Variants in DOP1A observed in about 807,000 individuals in gnomAD.
DOP1A encodes the protein protein DOP1A.
A neutral mutation model predicts 267.6 loss-of-function variants in DOP1A; 90 were observed. That is an observed-to-expected ratio of 0.34 (90% CI 0.28 to 0.40). The LOEUF is 0.40. Among genes scored for constraint, DOP1A ranks in the 10% least tolerant of loss-of-function variants. The pLI, the probability that DOP1A is intolerant of heterozygous loss-of-function variation, is 1.00. For missense variants in DOP1A, 2,437 were observed against 2,900.4 expected (o/e 0.84, Z 3.67); for synonymous variants, 932 against 999.1 (o/e 0.93, Z 1.27).
chr6:83,099,121 C>A (rs569548536), intron 3 of DOP1A, among the ~76,000 whole-genome samples: 30 of 152,176 alleles, frequency 2.0e-4, no homozygotes, highest in African/African-American at 7.0e-4. Context: ...CCCAAAGTTC[C>A]CCATATTATA....
At chr6:83,082,323 A>C (rs375531978) in intron 1 of DOP1A, among the ~76,000 whole-genome samples, 1 of 152,232 alleles carries the variant, frequency 6.6e-6, no homozygotes, top group South Asian at 2.1e-4. Flanking sequence ...ATGGAATGCT[A>C]TTCACCTATC....
At chr6:83,115,616 C>A (rs894557817) in intron 7 of DOP1A, among the ~76,000 whole-genome samples, 6 of 151,956 alleles carry the variant, frequency 3.9e-5, no homozygotes, top group Non-Finnish European at 8.8e-5. Context: ...CCCAGCTACT[C>A]GGGAGGCTGA....
In DOP1A at chr6:83,124,810, A is replaced by G; in HGVS notation, c.1446A>G (p.Ile482Met). ...FCLLVDFLLD[I>M]VSLPTRSMRV... ...TACTGGTGGATTTTTTGTTGGACAT[A>G]GTTTCTTTGGTAAGACCACCTTGGT... The change falls in exon 13 of 39, where the codon ATA (isoleucine) becomes ATG (methionine). Residue 482 changes from isoleucine to methionine, a missense_variant. Ile to Met is a conservative substitution (Grantham distance 10). Transcript: ENST00000349129. 1.2e-6 allele frequency: 2 copies of G among 1,612,122 alleles called. No individual in the cohort carries two copies. Among genetic ancestry groups the G allele is most frequent in the Non-Finnish European group, 1.7e-6 (2 of 1,179,022 alleles).
Position 83,145,638 on chromosome 6 carries a change from C to T in DOP1A, c.5656C>T (p.Pro1886Ser), listed in dbSNP as rs758508605. Reference sequence around the variant, plus strand: ...TGTAAAAGAAGTTTTAAAGCAGCCACCAGCCATAGCCAAGGACAAGGTAAG... The same window carrying T: ...TGTAAAAGAAGTTTTAAAGCAGCCATCAGCCATAGCCAAGGACAAGGTAAG... The part of the protein sequence containing the change: ...QTVKEVLKQP[P>S]AIAKDKKHLS... The change falls in exon 25 of 39, where the codon CCA becomes TCA. Residue 1886 changes from proline to serine, a missense_variant. Physicochemically the swap from Pro to Ser is moderately conservative, Grantham distance 74. This residue lies in a region of DOP1A where 307 missense variants were observed against 308.6 expected (regional missense o/e 0.99). Coordinates refer to ENST00000349129, the MANE Select transcript of DOP1A (RefSeq NM_015018.4). The T allele has an allele frequency of 2.5e-6, 4 of 1,613,416 alleles. No individual in the cohort carries two copies. Among genetic ancestry groups the T allele is most frequent in the Non-Finnish European group, 2.5e-6 (3 of 1,179,646 alleles).
rs144324424 is a variant in DOP1A, at chr6:83,125,382, C to T, written c.1486-118C>T. 232 of 1,032,968 alleles carry T rather than the reference C, an allele frequency of 2.2e-4. 1 individual carries two copies. In the East Asian group the frequency reaches 5.6e-3, roughly 25 times the overall value. 64.0% of individuals were successfully genotyped at this position (1,032,968 alleles called of 1,614,324 possible). On this transcript the variant is annotated intron_variant, in intron 14 of 38. Transcript: ENST00000349129. ...TAAAATATACAGTGTTAATTAAGAG[C>T]ATGATGCATATAAAACATTATGGAT... is the stretch of plus-strand genomic sequence containing the variant.
intron 1 of DOP1A, among the ~76,000 whole-genome samples, chr6:83,088,521 C>T (rs1769739799): frequency 6.8e-6 from 1 of 147,014 alleles, no homozygotes. Flanking sequence ...CTCTGAGGTT[C>T]AAGCGATTCT....
At position 83,162,534 on chromosome 6, in the gene DOP1A, G is replaced by A. The variant is rs561389318; in HGVS notation, c.6963-256G>A. ...TACTTGCTTTGGACTCATGAAAAAAGTAATGATGAGTACTTTACAAGTTTT... is the reference window on the plus strand; with the variant it reads ...TACTTGCTTTGGACTCATGAAAAAAATAATGATGAGTACTTTACAAGTTTT... On this transcript the variant is annotated intron_variant, in intron 37 of 38. Transcript: ENST00000349129. 1.3e-3 allele frequency among the ~76,000 whole-genome samples: 202 copies of A among 152,224 alleles called. 2 individuals carry two copies. The highest frequency in any genetic ancestry group is 4.7e-3 in the African/African-American group (197 of 41,550).
intron 9 of DOP1A, 38 bp downstream of exon 9, chr6:83,119,895 A>C (rs990029246): frequency 1.3e-6 from 2 of 1,527,550 alleles, no homozygotes; most frequent in African/African-American, 2.7e-5. Context: ...TTACTTACTG[A>C]CCACTAGAGG....
At chr6:83,128,308 ATTTG>A (rs1276004621) in intron 15 of DOP1A, among the ~76,000 whole-genome samples, 7 of 152,156 alleles carry the variant, frequency 4.6e-5, no homozygotes, top group African/African-American at 1.4e-4. Context: ...GGAATGGTTC[ATTTG>A]TTTGTTTACT....
At chr6:83,092,556 T>TCCCCC (rs66482434) in intron 1 of DOP1A, among the ~76,000 whole-genome samples, 11 of 67,848 alleles carry the variant, frequency 1.6e-4, no homozygotes, top group Non-Finnish European at 2.0e-4. Context: ...GTAGTGTCCC[T>TCCCCC]CCCCCCCCCC....
chr6:83,084,157 A>G (rs1275178715), intron 1 of DOP1A, among the ~76,000 whole-genome samples: 3 of 152,188 alleles, frequency 2.0e-5, no homozygotes, highest in African/African-American at 7.2e-5. Context: ...CATTTCAATG[A>G]TGGCCCACCT....
At chr6:83,166,856 C>A in intron 38 of DOP1A, 1 of 997,648 alleles carries the variant, frequency 1.0e-6, no homozygotes, top group Non-Finnish European at 1.2e-6. Flanking sequence ...AAGGCAAACT[C>A]CATTTGTTAA....
At chr6:83,145,107 A>G (rs2128294644) in intron 24 of DOP1A, among the ~76,000 whole-genome samples, 1 of 117,170 alleles carries the variant, frequency 8.5e-6, no homozygotes, top group East Asian at 2.3e-4. Context: ...CATCTCAAAA[A>G]ATATATACAT....
rs1774313450 is a variant in DOP1A, at chr6:83,110,187, T to C, written c.554T>C (p.Leu185Pro). 1 of 1,613,838 alleles carries C rather than the reference T, an allele frequency of 6.2e-7. No individual in the cohort carries two copies. The highest frequency in any genetic ancestry group is 1.3e-5 in the African/African-American group (1 of 74,940). ...AVDQSAFYSA[L>P]WGSLLTSPAV... ...GACCAGTCAGCATTCTACAGTGCCC[T>C]GTGGGGTAGTCTTCTCACCAGTCCT... Residue 185 changes from leucine (L) to proline (P), a missense_variant, in exon 6 of 39, where the codon CTG becomes CCG. Around this residue, in one of 9 missense-constraint regions of DOP1A, gnomAD observed 251 missense variants for 359.1 expected, o/e 0.70. Coordinates refer to ENST00000349129, the MANE Select transcript of DOP1A (RefSeq NM_015018.4).
chr6:83,152,358 A>G lies in DOP1A; in HGVS notation c.6120A>G (p.Leu2040=). 1 of 1,524,288 alleles carries G rather than the reference A, an allele frequency of 6.6e-7. No homozygotes were observed. The highest frequency in any genetic ancestry group is 8.8e-7 in the Non-Finnish European group (1 of 1,132,594). The allele number at this position is 1,524,288 out of a possible 1,614,324, so 94.4% of individuals were successfully genotyped here. A position where few individuals can be genotyped will look rare whatever the true frequency, so the allele number is the denominator to read the frequency against. The change falls in exon 30 of 39, where the codon TTA becomes TTG. Residue 2040 remains leucine, a synonymous_variant. Coordinates refer to ENST00000349129, the MANE Select transcript of DOP1A (RefSeq NM_015018.4). ...TATATAGTGTCCATGCATTGACATT[A>G]CTCTCTGAGGTAAATATTAAGCTTT... is the stretch of plus-strand genomic sequence containing the variant. The part of the protein sequence containing the change: ...PSVYSVHALT[L]LSEVLAHLLD...
chr6:83,120,754 T>G lies in DOP1A; in HGVS notation c.1062T>G (p.Phe354Leu). The change falls in exon 10 of 39, where the codon TTT becomes TTG. Residue 354 changes from phenylalanine to leucine, a missense_variant. Physicochemically the swap from Phe to Leu is conservative, Grantham distance 22 (BLOSUM62 0). Coordinates refer to ENST00000349129, the MANE Select transcript of DOP1A (RefSeq NM_015018.4). Reference protein sequence around the residue: ...ENTLMQDLKPFRILISLLDKP... With the variant: ...ENTLMQDLKPLRILISLLDKP... ...CTCTAATGCAGGATCTAAAGCCTTT[T>G]CGCATTTTAATCAGTTTACTGGACA... The G allele has an allele frequency of 1.9e-6, 3 of 1,579,532 alleles. No individual in the cohort carries two copies. In the East Asian group the frequency reaches 6.7e-5, roughly 35 times the overall value.
intron 21 of DOP1A, 99 bp downstream of exon 21, chr6:83,139,261 T>C (rs1261338904): frequency 1.1e-6 from 1 of 928,620 alleles, no homozygotes; most frequent in African/African-American, 1.7e-5. Flanking sequence ...AATAAAGTAA[T>C]GGTTTTTGGT....
intron 36 of DOP1A, 123 bp from the exon 37 acceptor site, chr6:83,159,673 C>A (rs919106993): frequency 9.5e-7 from 1 of 1,055,388 alleles, no homozygotes. Context: ...CCTTGCTTAG[C>A]AATTACTGGC....
At chr6:83,071,378 T>G (rs1785561953) in intron 1 of DOP1A, among the ~76,000 whole-genome samples, 1 of 152,132 alleles carries the variant, frequency 6.6e-6, no homozygotes, top group Admixed American at 6.5e-5. Context: ...GGCTAACTTT[T>G]GTATTTTTAG....
Sources: gnomAD v4.1 joint callset for allele counts (sites outside exome capture counted in the v4.1 genomes callset) on GRCh38, gnomAD v4.1.1 for gene constraint, gnomAD v4.1.1 regional missense constraint, MANE v1.5 for transcripts, NCBI Gene and HGNC (gene_info 2026-07-23, HGNC 2026-07-21) for gene names.